Variants in PANK1 observed in about 807,000 individuals in gnomAD.
PANK1 encodes the protein pantothenate kinase 1.
Under a neutral mutation model 40.1 loss-of-function variants are expected in PANK1, and 18 were observed. That is an observed-to-expected ratio of 0.45 (90% CI 0.31 to 0.67). PANK1 has a LOEUF of 0.67. Ranked by LOEUF, PANK1 falls within the 30% of genes least tolerant of loss-of-function variation. PANK1 has a pLI of 0.06. For synonymous variants in PANK1, 242 were observed against 237.7 expected (o/e 1.02, Z -0.17); for missense variants, 457 against 599.6 (o/e 0.76, Z 2.48).
chr10:89,591,909 A>C (rs1336863421), intron 5 of PANK1, among the ~76,000 whole-genome samples: 2 of 152,206 alleles, frequency 1.3e-5, no homozygotes, highest in African/African-American at 2.4e-5. Context: ...TGCGGAAAGT[A>C]GGGGAAAGGG....
chr10:89,638,262 T>A (rs1034153323), intron 1 of PANK1, among the ~76,000 whole-genome samples: 4 of 152,364 alleles, frequency 2.6e-5, no homozygotes, highest in African/African-American at 7.2e-5. Flanking sequence ...CCTTCCTTGG[T>A]GAAAAGGTCT....
intron 2 of PANK1, among the ~76,000 whole-genome samples, chr10:89,605,042 A>C (rs748745411): frequency 2.8e-4 from 42 of 151,216 alleles, no homozygotes; most frequent in Admixed American, 9.2e-4. Context: ...TGAGCCACCA[A>C]GCCCAGCCTA....
chr10:89,641,753 AAATAAATAAATAAAT>A (rs1203130859), intron 1 of PANK1, among the ~76,000 whole-genome samples: 3 of 127,856 alleles, frequency 2.3e-5, no homozygotes, highest in South Asian at 2.9e-4. Context: ...ATAAATAAAT[AAATAAATAAATAAAT>A]AAATAAAATA....
intron 5 of PANK1, among the ~76,000 whole-genome samples, chr10:89,592,336 G>A (rs1345344604): frequency 6.6e-6 from 1 of 152,158 alleles, no homozygotes. Flanking sequence ...ACTGAGAGGG[G>A]GCTCAAGGGG....
In PANK1 at chr10:89,584,193, GA is replaced by G. The variant is rs1224666343; in HGVS notation, c.*212del. 8.2e-6 allele frequency: 4 copies of G among 487,370 alleles called. No individual in the cohort carries two copies. The highest frequency in any genetic ancestry group is 7.3e-6 in the Non-Finnish European group (2 of 273,124). The allele number at this position is 487,370 out of a possible 1,614,324, so 30.2% of individuals were successfully genotyped here. ...TTTTTTTAAAAAAATACAGTATACA[GA>G]AAAAAAACCTTTTATATTCCCCCGT... is the stretch of plus-strand genomic sequence containing the variant. On this transcript the variant is annotated 3_prime_UTR_variant, in exon 7 of 7. Coordinates refer to ENST00000307534, the MANE Select transcript of PANK1 (RefSeq NM_148977.3).
chr10:89,617,233 G>A (rs937825433), intron 1 of PANK1, among the ~76,000 whole-genome samples: 4 of 152,240 alleles, frequency 2.6e-5, no homozygotes, highest in African/African-American at 9.6e-5. Context: ...AAAGTGAAGT[G>A]CTGCTGCACA....
chr10:89,586,467 A>G (rs895028634), intron 6 of PANK1, among the ~76,000 whole-genome samples: 7 of 152,306 alleles, frequency 4.6e-5, no homozygotes, highest in African/African-American at 1.4e-4. Flanking sequence ...TGCTTTAAAA[A>G]CAAGAGCTTT....
At chr10:89,639,255 C>A in intron 1 of PANK1, 1 of 448,232 alleles carries the variant, frequency 2.2e-6, no homozygotes, top group Non-Finnish European at 4.5e-6. Context: ...TGAGAAAGGG[C>A]AAGAGATTGA....
At chr10:89,608,548 A>G (rs1010467123) in intron 2 of PANK1, among the ~76,000 whole-genome samples, 5 of 152,226 alleles carry the variant, frequency 3.3e-5, no homozygotes, top group African/African-American at 1.2e-4. Context: ...TAAGGATTCA[A>G]GTACATATAC....
chr10:89,595,400 G>T (rs972682535), intron 3 of PANK1, among the ~76,000 whole-genome samples: 1 of 152,116 alleles, frequency 6.6e-6, no homozygotes, highest in African/African-American at 2.4e-5. Flanking sequence ...GCAGTGAGCC[G>T]GGATTGTGCC....
At chr10:89,603,893 C>T (rs1844861613) in intron 2 of PANK1, among the ~76,000 whole-genome samples, 1 of 152,140 alleles carries the variant, frequency 6.6e-6, no homozygotes, top group Non-Finnish European at 1.5e-5. Flanking sequence ...TCTTATGCTC[C>T]TGCAATATCA....
At chr10:89,632,620 C>T (rs1349743927) in intron 1 of PANK1, among the ~76,000 whole-genome samples, 2 of 151,960 alleles carry the variant, frequency 1.3e-5, no homozygotes, top group East Asian at 3.8e-4. Context: ...TATAATTTTC[C>T]CATGATTAAT....
chr10:89,641,426 G>A (rs1841965284), intron 1 of PANK1, among the ~76,000 whole-genome samples: 1 of 152,176 alleles, frequency 6.6e-6, no homozygotes, highest in Non-Finnish European at 1.5e-5. Flanking sequence ...CCTGCATAAT[G>A]AACTCTCACT....
At position 89,588,636 on chromosome 10, in the gene PANK1, T is replaced by C. The variant is rs765059672; in HGVS notation, c.1326+16A>G. ...TACTCCACATATGACAGTAAGTCTATGCAAGCTCAACCTACCTCATGTTCC... is the reference window on the plus strand; with the variant it reads ...TACTCCACATATGACAGTAAGTCTACGCAAGCTCAACCTACCTCATGTTCC... On this transcript the variant is annotated intron_variant, in intron 6 of 6. Coordinates refer to ENST00000307534, the MANE Select transcript of PANK1 (RefSeq NM_148977.3). 4 of 1,588,374 alleles carry C rather than the reference T, an allele frequency of 2.5e-6. No homozygotes were observed. Among genetic ancestry groups the C allele is most frequent in the Non-Finnish European group, 3.4e-6 (4 of 1,170,816 alleles).
chr10:89,589,664 C>T (rs973453707), intron 5 of PANK1, among the ~76,000 whole-genome samples: 1 of 152,048 alleles, frequency 6.6e-6, no homozygotes, highest in Non-Finnish European at 1.5e-5. Flanking sequence ...GGGAACATCA[C>T]CTTTTAACTG....
intron 1 of PANK1, among the ~76,000 whole-genome samples, chr10:89,638,832 G>A (rs1841895070): frequency 6.6e-6 from 1 of 152,124 alleles, no homozygotes. Flanking sequence ...CATCACATAA[G>A]TAATCTCTAA....
intron 1 of PANK1, chr10:89,643,714 A>G (rs753277902): frequency 6.2e-7 from 1 of 1,613,856 alleles, no homozygotes; most frequent in Non-Finnish European, 8.5e-7. Context: ...TTTGCCATTT[A>G]TAAGCTTCAT....
chr10:89,600,670 C>G (rs980500330), intron 2 of PANK1, among the ~76,000 whole-genome samples: 1 of 152,082 alleles, frequency 6.6e-6, no homozygotes, highest in South Asian at 2.1e-4. Flanking sequence ...GGGGAATGAC[C>G]TGGCTGAGGG....
At chr10:89,630,905 C>T (rs1437995565) in intron 1 of PANK1, among the ~76,000 whole-genome samples, 1 of 152,206 alleles carries the variant, frequency 6.6e-6, no homozygotes, top group East Asian at 1.9e-4. Flanking sequence ...GCTGGCGCAT[C>T]CCTGTAGTCT....
Sources: allele counts gnomAD v4.1 joint callset (sites outside exome capture counted in the v4.1 genomes callset), GRCh38; gene constraint gnomAD v4.1.1; transcripts MANE v1.5; gene names NCBI Gene and HGNC (gene_info 2026-07-23, HGNC 2026-07-21).